Variants in HOXB3 observed in about 807,000 individuals in gnomAD.
HOXB3 encodes the protein homeobox protein Hox-B3.
HOXB3 carries 17 observed loss-of-function variants against 29.2 expected under a neutral mutation model. The observed-to-expected ratio is 0.58, with a 90% CI of 0.40 to 0.87. The LOEUF (loss-of-function observed/expected upper bound fraction) is 0.87. HOXB3 is among the 40% of genes least tolerant of loss of function. The pLI is 0.00. For synonymous variants in HOXB3, 317 were observed against 285.9 expected (o/e 1.11, Z -1.10); for missense variants, 637 against 616.3 (o/e 1.03, Z -0.35).
rs751151359 is a variant in HOXB3, at chr17:48,552,401, T to C, written c.74A>G (p.Asn25Ser). 4 of 1,612,026 alleles carry C rather than the reference T, an allele frequency of 2.5e-6. No homozygotes were observed. In the Admixed American group the frequency reaches 6.7e-5, roughly 27 times the overall value. The change falls in exon 4 of 5, where the codon AAT becomes AGT. Residue 25 changes from asparagine to serine, a missense_variant. Physicochemically the swap from Asn to Ser is conservative, Grantham distance 46. Transcript: ENST00000498678. ...FGGYSSYPGS[N>S]GFGFDVPPQP... ...GGGGGGGACATCGAAGCCGAAGCCA[T>C]TGCTGCCAGGGTACGAGGAATAGCC...
chr17:48,588,162 G>A (rs182883917), intron 1 of HOXB3, among the ~76,000 whole-genome samples: 19 of 152,340 alleles, frequency 1.2e-4, no homozygotes, highest in Middle Eastern at 3.4e-3. Flanking sequence ...ATTGCCTCCC[G>A]CAGCTTGTCC....
chr17:48,562,857 G>A (rs886691060), intron 2 of HOXB3, among the ~76,000 whole-genome samples: 6 of 152,178 alleles, frequency 3.9e-5, no homozygotes, highest in East Asian at 1.9e-4. Flanking sequence ...GTTGGCCTGC[G>A]GAAATTACTA....
At chr17:48,571,446 G>A (rs868330167) in intron 2 of HOXB3, among the ~76,000 whole-genome samples, 1 of 152,348 alleles carries the variant, frequency 6.6e-6, no homozygotes, top group Middle Eastern at 3.4e-3. Context: ...AGGGAACTGG[G>A]GAGAAAGAGG....
rs530969261 is a variant in HOXB3, at chr17:48,551,332, C to T, written c.449-151G>A. On this transcript the variant is annotated intron_variant, in intron 4 of 4. Transcript: ENST00000498678. ...CCCCTTCGGGTCCCCGCCGCCTCCT[C>T]ACTCCCCCACCCCACCGCCCGTCGC... 4.7e-4 allele frequency: 432 copies of T among 919,780 alleles called. 7 individuals carry two copies. The South Asian group carries it at 0.018, about 39-fold the overall frequency. The allele number at this position is 919,780 out of a possible 1,614,324, so 57.0% of individuals were successfully genotyped here.
chr17:48,555,750 G>A (rs906809099), intron 2 of HOXB3, 132 bp from the exon 3 acceptor site: 5 of 631,930 alleles, frequency 7.9e-6, no homozygotes, highest in Admixed American at 7.2e-5. Context: ...CGCGGCGTCC[G>A]CTTCAATTCA....
intron 2 of HOXB3, among the ~76,000 whole-genome samples, chr17:48,557,779 TTAG>T (rs1348176315): frequency 1.3e-5 from 2 of 152,194 alleles, no homozygotes; most frequent in Admixed American, 1.3e-4. Flanking sequence ...TCTGTGTTTA[TTAG>T]TAGTATCAAG....
chr17:48,573,076 C>T (rs948172501), intron 2 of HOXB3, among the ~76,000 whole-genome samples: 4 of 152,160 alleles, frequency 2.6e-5, no homozygotes, highest in East Asian at 3.8e-4. Flanking sequence ...GCCTAAGAAA[C>T]AGGGCTGCAG....
chr17:48,571,872 C>A (rs971877687), intron 2 of HOXB3, among the ~76,000 whole-genome samples: 6 of 152,192 alleles, frequency 3.9e-5, no homozygotes, highest in African/African-American at 1.4e-4. Context: ...GATAGAGTCC[C>A]CAAATGTCAA....
chr17:48,574,654 G>C (rs1398211190), intron 1 of HOXB3, among the ~76,000 whole-genome samples: 1 of 152,122 alleles, frequency 6.6e-6, no homozygotes, highest in Non-Finnish European at 1.5e-5. Flanking sequence ...CCTGAGGCTG[G>C]AGCCCCCAGA....
intron 2 of HOXB3, among the ~76,000 whole-genome samples, chr17:48,569,137 G>A (rs533615879): frequency 6.6e-6 from 1 of 151,734 alleles, no homozygotes; most frequent in East Asian, 1.9e-4. Flanking sequence ...GAAACAGGGA[G>A]ACCGAGCCTG....
chr17:48,589,307 G>A (rs1172024466), intron 1 of HOXB3, among the ~76,000 whole-genome samples: 1 of 152,182 alleles, frequency 6.6e-6, no homozygotes, highest in Non-Finnish European at 1.5e-5. Flanking sequence ...TTTTATTTGA[G>A]GAGGGCTTGC....
At chr17:48,576,824 T>C in intron 1 of HOXB3, 1 of 1,614,244 alleles carries the variant, frequency 6.2e-7, no homozygotes, top group Non-Finnish European at 8.5e-7. Context: ...TGTGGTCTTT[T>C]TTCCACTTCA....
chr17:48,572,449 C>T (rs139268191), intron 2 of HOXB3, among the ~76,000 whole-genome samples: 1 of 152,198 alleles, frequency 6.6e-6, no homozygotes, highest in Non-Finnish European at 1.5e-5. Context: ...TCTCTCCTCG[C>T]AGCCCAGGAG....
chr17:48,555,780 T>G (rs1597819766), intron 2 of HOXB3, among the ~76,000 whole-genome samples, 162 bp from the exon 3 acceptor site: 1 of 131,916 alleles, frequency 7.6e-6, no homozygotes, highest in Non-Finnish European at 1.6e-5. Context: ...GGAGCAGGGG[T>G]GCGCAGGAGG....
chr17:48,552,255 T>C lies in HOXB3; in HGVS notation c.220A>G (p.Met74Val), dbSNP rs748317790. 2 of 1,613,442 alleles carry C rather than the reference T, an allele frequency of 1.2e-6. No individual in the cohort carries two copies. Among genetic ancestry groups the C allele is most frequent in the Non-Finnish European group, 1.7e-6 (2 of 1,179,900 alleles). ...GGCTCGGGGGCCAGACCCGGCCTCA[T>C]GCAGCTGCCGTTGAGCTCCTTGCTC... ...AKSKELNGSCMRPGLAPEPLS... is the reference protein window; with the variant it reads ...AKSKELNGSCVRPGLAPEPLS... The change falls in exon 4 of 5, where the codon ATG becomes GTG. Residue 74 changes from methionine (M) to valine (V), a missense_variant. Physicochemically the swap from Met to Val is conservative, Grantham distance 21. Coordinates refer to ENST00000498678, the MANE Select transcript of HOXB3 (RefSeq NM_001384749.1).
chr17:48,551,795 C>G (rs908753670), intron 4 of HOXB3, among the ~76,000 whole-genome samples: 2 of 152,234 alleles, frequency 1.3e-5, no homozygotes, highest in South Asian at 4.1e-4. Context: ...TTTGAGGCCA[C>G]GCACTGGGCC....
intron 1 of HOXB3, chr17:48,578,427 G>T: frequency 1.4e-6 from 2 of 1,407,564 alleles, no homozygotes; most frequent in Non-Finnish European, 1.9e-6. Flanking sequence ...ACAAAGTTAG[G>T]CGCCCACGTG....
intron 1 of HOXB3, chr17:48,576,974 G>A: frequency 1.9e-6 from 3 of 1,613,126 alleles, no homozygotes; most frequent in Non-Finnish European, 2.5e-6. Context: ...GGCGCGTGTA[G>A]GCGGTCCGAG....
intron 4 of HOXB3, among the ~76,000 whole-genome samples, 195 bp downstream of exon 4, chr17:48,551,832 G>A (rs898489766): frequency 6.6e-6 from 1 of 152,244 alleles, no homozygotes. Context: ...AGCTCCGGTG[G>A]AGGGCAGCTA....
Sources: allele counts gnomAD v4.1 joint callset (sites outside exome capture counted in the v4.1 genomes callset), GRCh38; gene constraint gnomAD v4.1.1; transcripts MANE v1.5; gene names NCBI Gene and HGNC (gene_info 2026-07-23, HGNC 2026-07-21).